The following WDR90 variants were observed in gnomAD, a reference collection of about 807,000 sequenced individuals.
WDR90 encodes WD repeat-containing protein 90.
Under a neutral mutation model 195.2 loss-of-function variants are expected in WDR90, and 238 were observed. The ratio of observed to expected loss-of-function variants is 1.22; its 90% CI spans 1.10 to 1.36. WDR90 has a LOEUF of 1.36. WDR90 is among the 40% of genes most tolerant of loss of function. The probability of loss-of-function intolerance (pLI) is 0.00; values close to 1 mark genes in which losing one functional copy is unlikely to be tolerated. For missense variants in WDR90, 2,734 were observed against 2,439.5 expected, an observed-to-expected ratio of 1.12 and a Z score of -2.54; for synonymous variants, 1,265 against 1,052.4, an observed-to-expected ratio of 1.20 and a Z score of -3.91.
intron 26 of WDR90, 66 bp downstream of exon 26, chr16:659,442 C>T: frequency 1.3e-6 from 2 of 1,552,690 alleles, no homozygotes; most frequent in South Asian, 1.2e-5. Context: ...GGCCCAGTGG[C>T]AGCAGGTACT....
At chr16:657,409 C>A in intron 20 of WDR90, 188 bp downstream of exon 20, 1 of 1,006,864 alleles carries the variant, frequency 9.9e-7, no homozygotes, top group Non-Finnish European at 1.4e-6. Flanking sequence ...CACTGGACCC[C>A]AAGGCCAGAG....
At position 651,679 on chromosome 16, in the gene WDR90, C is replaced by G; in HGVS notation, c.772C>G (p.Pro258Ala). The G allele has an allele frequency of 1.9e-6, 3 of 1,612,976 alleles. No homozygotes were observed. The highest frequency in any genetic ancestry group is 8.5e-7 in the Non-Finnish European group (1 of 1,179,996). The change falls in exon 8 of 41, where the codon CCG (proline) becomes GCG (alanine). Residue 258 changes from proline to alanine, a missense_variant. Physicochemically the swap from Pro to Ala is conservative, Grantham distance 27. Transcript: ENST00000293879. ...GCCGGGGCCACAGCCTCTCCCTTGC[C>G]CGGTGGCCTCCAGCAAACCTGTGCG... Reference protein sequence around the residue: ...LGPGPQPLPCPVASSKPVRFS... With the variant: ...LGPGPQPLPCAVASSKPVRFS...
intron 33 of WDR90, 110 bp from the exon 34 acceptor site, chr16:662,555 GGGAGGGCACAGCCA>G: frequency 7.3e-7 from 1 of 1,374,156 alleles, no homozygotes; most frequent in Non-Finnish European, 9.8e-7. Flanking sequence ...TTCTTCCACC[GGGAGGGCACAGCCA>G]GGTCCTGAGA....
chr16:666,202 G>A lies in WDR90; in HGVS notation c.4610-18G>A, dbSNP rs371681752. The A allele has an allele frequency of 1.4e-5, 22 of 1,608,910 alleles. No individual in the cohort carries two copies. The African/African-American group carries it at 2.4e-4, about 18-fold the overall frequency. ...AGTCTCCGGGCTGGGGGCTCACAGG[G>A]TGACGGCATGGTCCCAGGTCAGACT... On this transcript the variant is annotated intron_variant, in intron 36 of 40. Coordinates refer to ENST00000293879, the MANE Select transcript of WDR90 (RefSeq NM_145294.5).
Position 656,404 on chromosome 16 carries a change from G to C in WDR90, c.2069G>C (p.Arg690Pro). 2 of 1,607,782 alleles carry C rather than the reference G, an allele frequency of 1.2e-6. No individual in the cohort carries two copies. The highest frequency in any genetic ancestry group is 1.7e-6 in the Non-Finnish European group (2 of 1,179,114). The change falls in exon 18 of 41, where the codon CGG (arginine) becomes CCG (proline). Residue 690 changes from arginine to proline, a missense_variant. Arg to Pro is a moderately radical substitution (Grantham distance 103). Coordinates refer to ENST00000293879, the MANE Select transcript of WDR90 (RefSeq NM_145294.5). ...GHLGFLDTLSRVYHMLARSHT... is the reference protein window; with the variant it reads ...GHLGFLDTLSPVYHMLARSHT... ...CTGGGCTTCCTGGACACGCTGTCCC[G>C]GGTGTACCACATGCTGGCTCGCTCC... is the stretch of plus-strand genomic sequence containing the variant.
chr16:650,270 G>A lies in WDR90; in HGVS notation c.296G>A (p.Arg99His), dbSNP rs1226226035. The A allele has an allele frequency of 3.1e-6, 5 of 1,612,958 alleles. No individual in the cohort carries two copies. Among genetic ancestry groups the A allele is most frequent in the Admixed American group, 3.3e-5 (2 of 60,038 alleles). ...TCCCCACAGGACAACCAAGTCATCC[G>A]TGTGTCTTTCTCCAACCTCTTCAAG... The part of the protein sequence containing the change: ...DVSSKDNQVI[R>H]VSFSNLFKEF... The change falls in exon 4 of 41, where the codon CGT (arginine) becomes CAT (histidine). Residue 99 changes from arginine to histidine, a missense_variant. Transcript: ENST00000293879.
Position 650,381 on chromosome 16 carries a change from G to T in WDR90, c.388+19G>T. The T allele has an allele frequency of 6.2e-7, 1 of 1,609,422 alleles. No individual in the cohort carries two copies. Among genetic ancestry groups the T allele is most frequent in the Non-Finnish European group, 8.5e-7 (1 of 1,177,026 alleles). On this transcript the variant is annotated intron_variant, in intron 4 of 40. Transcript: ENST00000293879. ...CAGAGAGGTGACACCAAGATGGGGT[G>T]TGGATGATCCAGGACAGGTGGCTGG... is the stretch of plus-strand genomic sequence containing the variant.
In WDR90 at chr16:660,063, AG is replaced by A; in HGVS notation, c.3193del (p.Asp1065ThrfsTer46). 3.2e-6 allele frequency: 5 copies of A among 1,543,340 alleles called. No individual in the cohort carries two copies. Among genetic ancestry groups the A allele is most frequent in the Non-Finnish European group, 3.5e-6 (4 of 1,146,382 alleles). On this transcript the variant is annotated frameshift_variant, in exon 27 of 41. Coordinates refer to ENST00000293879, the MANE Select transcript of WDR90 (RefSeq NM_145294.5). LOFTEE classifies it high-confidence loss of function. The part of the protein sequence containing the change: ...ARPPEGGDGA[R>X]DTRNSGAPRT... ...CTCTGCCTCCTCCCTGCCAGGCGCC[AG>A]GGACACCAGGAATTCGGGGGCCCCA... is the stretch of plus-strand genomic sequence containing the variant.
intron 1 of WDR90, 67 bp from the exon 2 acceptor site, chr16:649,696 C>G: frequency 2.1e-6 from 3 of 1,462,052 alleles, no homozygotes; most frequent in Non-Finnish European, 2.7e-6. Flanking sequence ...CGAGGCCCGG[C>G]CCAGCCCCGC....
At chr16:662,381 C>T (rs1383129886) in intron 33 of WDR90, 50 bp downstream of exon 33, 12 of 1,533,764 alleles carry the variant, frequency 7.8e-6, no homozygotes, top group Non-Finnish European at 1.1e-5. Flanking sequence ...TGTTGGTGTC[C>T]CTGACTGGGG....
At chr16:664,155 T>C (rs4984911) in intron 34 of WDR90, among the ~76,000 whole-genome samples, 81,943 of 151,740 alleles carry the variant, frequency 0.54, 25,526 homozygotes, top group East Asian at 0.98. Context: ...GGGTGGCTTT[T>C]GGCATATTCA....
Position 658,888 on chromosome 16 carries a change from A to G in WDR90, c.2896-8A>G, listed in dbSNP as rs1267553306. The G allele has an allele frequency of 2.5e-6, 4 of 1,610,940 alleles. No homozygotes were observed. Among genetic ancestry groups the G allele is most frequent in the Non-Finnish European group, 2.5e-6 (3 of 1,179,870 alleles). ...TCGGGGTCCTGCATGTGACGCCGCT[A>G]CCCCTAGGTGTACATCGGCCACTCG... On this transcript the variant is annotated splice_polypyrimidine_tract_variant and splice_region_variant and intron_variant, in intron 23 of 40. Transcript: ENST00000293879.
chr16:652,648 C>G, intron 10 of WDR90, 113 bp downstream of exon 10: 5 of 1,154,594 alleles, frequency 4.3e-6, no homozygotes, highest in Non-Finnish European at 5.7e-6. Flanking sequence ...GTGTGGGCTC[C>G]CGAGCCCCCC....
At position 660,732 on chromosome 16, in the gene WDR90, A is replaced by AC; in HGVS notation, c.3391+23dup. 7 of 1,532,898 alleles carry AC rather than the reference A, an allele frequency of 4.6e-6. No homozygotes were observed. Among genetic ancestry groups the AC allele is most frequent in the Middle Eastern group, 1.7e-4 (1 of 5,894 alleles). The allele number at this position is 1,532,898 out of a possible 1,614,324, so 95.0% of individuals were successfully genotyped here. A position where few individuals can be genotyped will look rare whatever the true frequency, so the allele number is the denominator to read the frequency against. ...GGACACAGGTGGGGGCCAAGAGCCT[A>AC]CCCCCACCCCCAGCCAAGATGCGGC... On this transcript the variant is annotated intron_variant, in intron 28 of 40. Transcript: ENST00000293879.
chr16:664,790 C>T (rs1276532257), intron 34 of WDR90, among the ~76,000 whole-genome samples: 1 of 152,046 alleles, frequency 6.6e-6, no homozygotes, highest in Non-Finnish European at 1.5e-5. Context: ...CACCATTCTC[C>T]TGTCTCAGCC....
rs979955359 is a variant in WDR90 at position 650,725 on chromosome 16, G to A, written c.559+16G>A. Reference sequence around the variant, plus strand: ...TTTGAGCCTGGTGAGGGCCGCACCTGCACTCCCCACTCCATATCTCACCCA... The same window carrying A: ...TTTGAGCCTGGTGAGGGCCGCACCTACACTCCCCACTCCATATCTCACCCA... On this transcript the variant is annotated intron_variant, in intron 5 of 40. Transcript: ENST00000293879. The A allele has an allele frequency of 6.2e-7, 1 of 1,600,418 alleles. No individual in the cohort carries two copies.
Position 651,673 on chromosome 16 carries a change from C to A in WDR90, c.766C>A (p.Pro256Thr). ...CCTGGGGCCGGGGCCACAGCCTCTC[C>A]CTTGCCCGGTGGCCTCCAGCAAACC... ...VLLGPGPQPL[P>T]CPVASSKPVR... Residue 256 changes from proline (P) to threonine (T), a missense_variant, in exon 8 of 41, where the codon CCT becomes ACT. By Grantham distance (38) the Pro-to-Thr change is conservative. Coordinates refer to ENST00000293879, the MANE Select transcript of WDR90 (RefSeq NM_145294.5). The A allele has an allele frequency of 6.2e-7, 1 of 1,612,962 alleles. No homozygotes were observed. The highest frequency in any genetic ancestry group is 8.5e-7 in the Non-Finnish European group (1 of 1,180,002).
intron 40 of WDR90, 103 bp from the exon 41 acceptor site, chr16:667,329 C>A: frequency 6.8e-7 from 1 of 1,460,884 alleles, no homozygotes; most frequent in South Asian, 1.4e-5. Flanking sequence ...ACCAGCTCCC[C>A]CGACCAGCAT....
intron 13 of WDR90, 95 bp from the exon 14 acceptor site, chr16:654,933 GA>G: frequency 7.9e-7 from 1 of 1,264,904 alleles, no homozygotes; most frequent in Non-Finnish European, 1.1e-6. Context: ...CCGCATGAGA[GA>G]AAAGCCACCT....
Sources: gnomAD v4.1 joint callset for allele counts (sites outside exome capture counted in the v4.1 genomes callset) on GRCh38, gnomAD v4.1.1 for gene constraint, MANE v1.5 for transcripts, NCBI Gene and HGNC (gene_info 2026-07-23, HGNC 2026-07-21) for gene names.